PPP2R1B: variants seen among roughly 807,000 people sequenced by gnomAD.
PPP2R1B encodes serine/threonine-protein phosphatase 2A 65 kDa regulatory subunit A beta isoform.
In PPP2R1B, 58 loss-of-function variants were observed where a neutral mutation model predicts 72.7. That is an observed-to-expected ratio of 0.80 (90% CI 0.65 to 0.99). The LOEUF (loss-of-function observed/expected upper bound fraction) is 0.99. Among genes scored for constraint, PPP2R1B ranks in the 50% least tolerant of loss-of-function variants. The pLI is 0.00. For synonymous variants in PPP2R1B, 256 were observed against 264.6 expected, an observed-to-expected ratio of 0.97 and a Z score of 0.32; for missense variants, 695 against 733.6, an observed-to-expected ratio of 0.95 and a Z score of 0.61.
rs1332387661 is a variant in PPP2R1B, at chr11:111,764,891, C to T, written c.220G>A (p.Glu74Lys). The change falls in exon 3 of 15, where the codon GAA becomes AAA. Residue 74 changes from glutamate to lysine, a missense_variant. Transcript: ENST00000527614. ...GCAAGAGCTAATAGTACCTCATCTT[C>T]ATCATAAATTGTATCTGGAAGTGAC... ...LPFLTDTIYD[E>K]DEVLLALAEQ... 5 of 1,613,752 alleles carry T rather than the reference C, an allele frequency of 3.1e-6. No individual in the cohort carries two copies. Among genetic ancestry groups the T allele is most frequent in the Non-Finnish European group, 4.2e-6 (5 of 1,180,010 alleles).
At position 111,740,671 on chromosome 11, in the gene PPP2R1B, T is replaced by G; in HGVS notation, c.*925A>C. 1.0e-6 allele frequency: 1 copy of G among 985,284 alleles called. No homozygotes were observed. Among genetic ancestry groups the G allele is most frequent in the East Asian group, 1.1e-4 (1 of 8,820 alleles). The allele number at this position is 985,284 out of a possible 1,614,324, so 61.0% of individuals were successfully genotyped here. A position where few individuals can be genotyped will look rare whatever the true frequency, so the allele number is the denominator to read the frequency against. On this transcript the variant is annotated 3_prime_UTR_variant, in exon 15 of 15. Transcript: ENST00000527614. ...CATACTAAAAACTTAGCAATAAAAC[T>G]GCAGTTTGAAAAGCTACTGTACAAT...
downstream of PPP2R1B, chr11:111,724,237 G>C: frequency 7.0e-7 from 1 of 1,435,162 alleles, no homozygotes; most frequent in Non-Finnish European, 9.2e-7. Flanking sequence ...TCCCTAACGG[G>C]GAGAAATCGA....
At position 111,760,998 on chromosome 11, in the gene PPP2R1B, A is replaced by G. The variant is rs1555051226; in HGVS notation, c.360T>C (p.Ala120=). The G allele has an allele frequency of 8.1e-6, 13 of 1,614,108 alleles. No homozygotes were observed. In the South Asian group the frequency reaches 1.1e-4, roughly 14 times the overall value. Residue 120 remains alanine, a synonymous_variant, in exon 4 of 15, where the codon GCT becomes GCC. Transcript: ENST00000527614. ...GGGAGATCTGTCTCAGGGACTCCAC[A>G]GCCTTGTCACGAACAACAGTCTCTT... The part of the protein sequence containing the change: ...TVEETVVRDK[A]VESLRQISQE...
At chr11:111,710,719 G>GCT in the PPP2R1B span, among the ~76,000 whole-genome samples, 1 of 152,186 alleles carries the variant, frequency 6.6e-6, no homozygotes, top group East Asian at 1.9e-4. Flanking sequence ...TTGGCATTGT[G>GCT]CTCTCACAGT....
At chr11:111,737,571 T>A (rs754439234), downstream of PPP2R1B, 11 of 1,614,030 alleles carry the variant, frequency 6.8e-6, no homozygotes, top group Non-Finnish European at 8.5e-6. Flanking sequence ...GTGCCACCAC[T>A]AGAGACACAG....
the PPP2R1B span, chr11:111,701,128 T>C: frequency 2.3e-6 from 3 of 1,308,024 alleles, no homozygotes; most frequent in Non-Finnish European, 3.1e-6. The surrounding 1 kb of genome is among the most constrained non-coding windows in gnomAD (Gnocchi z 4.2). Context: ...ATTTTCCCCA[T>C]CCACTGGACT....
the PPP2R1B span, chr11:111,701,626 A>C: frequency 1.9e-6 from 3 of 1,586,122 alleles, no homozygotes; most frequent in Admixed American, 1.7e-5. This position sits in a 1 kb window ranked among gnomAD's most constrained non-coding sequence, Gnocchi z 4.2. Flanking sequence ...TAGTGCTCCA[A>C]GTGAAATGCC....
At chr11:111,702,639 GAGGTTACCTT>G in the PPP2R1B span, among the ~76,000 whole-genome samples, 2 of 152,184 alleles carry the variant, frequency 1.3e-5, no homozygotes, top group Non-Finnish European at 2.9e-5. Flanking sequence ...ATAGTGACAG[GAGGTTACCTT>G]ATGTGTGAGT....
the PPP2R1B span, among the ~76,000 whole-genome samples, chr11:111,705,567 T>G: frequency 2.0e-5 from 3 of 152,000 alleles, no homozygotes; most frequent in East Asian, 3.9e-4. The surrounding 1 kb of genome is among the most constrained non-coding windows in gnomAD (Gnocchi z 4.3). Context: ...TAGGGAAAGA[T>G]GAGAGCTGTA....
At chr11:111,699,245 A>G in the PPP2R1B span, among the ~76,000 whole-genome samples, 3 of 152,182 alleles carry the variant, frequency 2.0e-5, no homozygotes, top group Admixed American at 6.5e-5. Flanking sequence ...CACCAGGTTT[A>G]GACTGTATCT....
At chr11:111,765,953 G>C (rs1945515948) in intron 1 of PPP2R1B, 1 of 547,566 alleles carries the variant, frequency 1.8e-6, no homozygotes. Flanking sequence ...GCCACCTCAC[G>C]GCCCGGATGG....
chr11:111,703,458 C>T, the PPP2R1B span: 1 of 1,587,764 alleles, frequency 6.3e-7, no homozygotes, highest in Non-Finnish European at 8.6e-7. Flanking sequence ...TTCTACTGCA[C>T]TTAGCTACTT....
intron 15 of PPP2R1B, chr11:111,727,281 T>C: frequency 1.7e-6 from 1 of 578,136 alleles, no homozygotes. Context: ...GCTCAGGGGC[T>C]GTTCATGCCC....
At chr11:111,764,764 A>G (rs782302696) in intron 3 of PPP2R1B, 41 bp downstream of exon 3, 1 of 1,596,062 alleles carries the variant, frequency 6.3e-7, no homozygotes, top group African/African-American at 1.3e-5. Flanking sequence ...TTTATACTGC[A>G]AAAGTTGTAG....
chr11:111,740,079 G>A lies in PPP2R1B; in HGVS notation c.*1517C>T. ...ACAGGACTTGTTAGATTTAAAAGAGGTTGTGAACAAAATCAACAATTCAAA... is the reference window on the plus strand; with the variant it reads ...ACAGGACTTGTTAGATTTAAAAGAGATTGTGAACAAAATCAACAATTCAAA... On this transcript the variant is annotated 3_prime_UTR_variant, in exon 15 of 15. Coordinates refer to ENST00000527614, the MANE Select transcript of PPP2R1B (RefSeq NM_002716.5). The A allele has an allele frequency of 3.0e-6, 3 of 985,334 alleles. No individual in the cohort carries two copies. The highest frequency in any genetic ancestry group is 3.6e-6 in the Non-Finnish European group (3 of 829,880). The allele number at this position is 985,334 out of a possible 1,614,324, so 61.0% of individuals were successfully genotyped here. A position where few individuals can be genotyped will look rare whatever the true frequency, so the allele number is the denominator to read the frequency against.
At chr11:111,760,154 T>C (rs577126246) in intron 4 of PPP2R1B, among the ~76,000 whole-genome samples, 2 of 152,344 alleles carry the variant, frequency 1.3e-5, no homozygotes, top group African/African-American at 4.8e-5. Flanking sequence ...CTCACACCTG[T>C]AATCAAAGCA....
At chr11:111,701,308 A>AT in the PPP2R1B span, 152 of 1,181,140 alleles carry the variant, frequency 1.3e-4, no homozygotes, top group East Asian at 2.3e-3. This position sits in a 1 kb window ranked among gnomAD's most constrained non-coding sequence, Gnocchi z 4.2. Flanking sequence ...AGGGTTTTGG[A>AT]TTTTTTTCAA....
chr11:111,703,216 T>G, the PPP2R1B span: 1 of 1,614,134 alleles, frequency 6.2e-7, no homozygotes, highest in Non-Finnish European at 8.5e-7. Context: ...GCGAGCACCT[T>G]ATCCGAAGGA....
chr11:111,726,493 G>A (rs1943971810), downstream of PPP2R1B: 1 of 158,700 alleles, frequency 6.3e-6, no homozygotes, highest in South Asian at 1.8e-4. Flanking sequence ...CTCCTGCTGG[G>A]ACCTGTGTTG....
Sources: allele counts gnomAD v4.1 joint callset (sites outside exome capture counted in the v4.1 genomes callset), GRCh38; gene constraint gnomAD v4.1.1; non-coding constraint Gnocchi (gnomAD v3.1); transcripts MANE v1.5; gene names NCBI Gene and HGNC (gene_info 2026-07-23, HGNC 2026-07-21).